Variants in RIT2 observed in about 807,000 individuals in gnomAD.
The protein encoded by RIT2 is GTP-binding protein Rit2.
RIT2 carries 24 observed loss-of-function variants against 23.7 expected under a neutral mutation model. The ratio of observed to expected loss-of-function variants is 1.01; its 90% confidence interval spans 0.73 to 1.43. RIT2 has a LOEUF of 1.43. Among genes scored for constraint, RIT2 ranks in the 40% most tolerant of loss-of-function variants. The probability of loss-of-function intolerance (pLI) is 0.00; values close to 1 mark genes in which losing one functional copy is unlikely to be tolerated. For synonymous variants in RIT2, 107 were observed against 91.1 expected, an observed-to-expected ratio of 1.17 and a Z score of -0.99; for missense variants, 236 against 266.9, an observed-to-expected ratio of 0.88 and a Z score of 0.81.
intron 1 of RIT2, among the ~76,000 whole-genome samples, chr18:43,109,778 C>G (rs1913909864): frequency 1.3e-5 from 2 of 152,136 alleles, no homozygotes; most frequent in Admixed American, 1.3e-4. Context: ...AACACTCCCT[C>G]CCTGCTCAAT....
At chr18:43,068,209 C>A (rs1007605535) in intron 1 of RIT2, among the ~76,000 whole-genome samples, 1 of 152,072 alleles carries the variant, frequency 6.6e-6, no homozygotes, top group Non-Finnish European at 1.5e-5. Flanking sequence ...TGAATTATCT[C>A]ATTTAAGGCT....
intron 3 of RIT2, among the ~76,000 whole-genome samples, chr18:42,950,209 A>G (rs1909817527): frequency 6.6e-6 from 1 of 152,142 alleles, no homozygotes; most frequent in African/African-American, 2.4e-5. Context: ...AAACAGTCTA[A>G]TAGACAAATG....
At chr18:42,813,956 G>A (rs1701559616) in intron 4 of RIT2, among the ~76,000 whole-genome samples, 1 of 152,168 alleles carries the variant, frequency 6.6e-6, no homozygotes. Flanking sequence ...TCCCCACTGG[G>A]GAAACTGAAG....
At chr18:42,800,076 CTCAATAA>C (rs1905482236) in intron 4 of RIT2, among the ~76,000 whole-genome samples, 1 of 152,108 alleles carries the variant, frequency 6.6e-6, no homozygotes, top group Non-Finnish European at 1.5e-5. Context: ...AGCAGTCTGG[CTCAATAA>C]ACATTGGTTA....
intron 4 of RIT2, among the ~76,000 whole-genome samples, chr18:42,842,738 A>G (rs1318664972): frequency 1.3e-5 from 2 of 152,156 alleles, no homozygotes; most frequent in Non-Finnish European, 2.9e-5. Context: ...AAAATTCCAT[A>G]CCTGACCTCA....
intron 2 of RIT2, among the ~76,000 whole-genome samples, chr18:42,990,660 G>T (rs1454851503): frequency 6.6e-6 from 1 of 152,118 alleles, no homozygotes; most frequent in Non-Finnish European, 1.5e-5. Flanking sequence ...ATTCTGACAG[G>T]TACATAATAA....
chr18:42,996,176 A>G (rs1481089437), intron 2 of RIT2, among the ~76,000 whole-genome samples: 2 of 152,058 alleles, frequency 1.3e-5, no homozygotes, highest in Non-Finnish European at 2.9e-5. Context: ...TCTAAATGAC[A>G]AATGTTTCTT....
chr18:42,892,696 T>C (rs1568023310), intron 4 of RIT2, among the ~76,000 whole-genome samples: 2 of 152,202 alleles, frequency 1.3e-5, no homozygotes, highest in Admixed American at 6.5e-5. Flanking sequence ...ACAAAATACC[T>C]AGAAGAAAAC....
intron 1 of RIT2, among the ~76,000 whole-genome samples, chr18:43,101,884 C>T (rs1913692907): frequency 1.3e-5 from 2 of 151,818 alleles, no homozygotes; most frequent in South Asian, 2.1e-4. Flanking sequence ...TTCATTAAGA[C>T]GGAGCAAGTA....
intron 4 of RIT2, among the ~76,000 whole-genome samples, chr18:42,840,348 G>A (rs144790274): frequency 3.0e-4 from 46 of 152,110 alleles, no homozygotes; most frequent in African/African-American, 1.1e-3. Context: ...GGCATCTAGT[G>A]TTTTCATTTG....
chr18:43,004,830 T>C (rs1911191126), intron 2 of RIT2, among the ~76,000 whole-genome samples: 1 of 151,922 alleles, frequency 6.6e-6, no homozygotes, highest in Non-Finnish European at 1.5e-5. Context: ...TTGGCTATTA[T>C]ATTCCTATTA....
intron 3 of RIT2, among the ~76,000 whole-genome samples, chr18:42,951,598 A>T (rs199499763): frequency 2.7e-4 from 40 of 146,064 alleles, no homozygotes; most frequent in East Asian, 4.7e-4. Context: ...AAAAGAAAAA[A>T]ATATATATAT....
chr18:43,098,491 T>C (rs1913606808), intron 1 of RIT2, among the ~76,000 whole-genome samples: 1 of 151,910 alleles, frequency 6.6e-6, no homozygotes, highest in Non-Finnish European at 1.5e-5. Flanking sequence ...TAAATGCTTT[T>C]ATTGAAGTAA....
At chr18:42,831,854 T>C (rs73470084) in intron 4 of RIT2, among the ~76,000 whole-genome samples, 3,106 of 152,222 alleles carry the variant, frequency 0.02, 94 homozygotes, top group African/African-American at 0.069. Context: ...ATCACCTGAG[T>C]GATTAACCCT....
intron 1 of RIT2, among the ~76,000 whole-genome samples, chr18:43,051,261 T>C (rs1912375678): frequency 6.6e-6 from 1 of 152,130 alleles, no homozygotes; most frequent in Admixed American, 6.6e-5. Flanking sequence ...GCTGTTGTGG[T>C]AGCATCAAAG....
chr18:43,073,668 G>A (rs994779130), intron 1 of RIT2, among the ~76,000 whole-genome samples: 1 of 152,062 alleles, frequency 6.6e-6, no homozygotes, highest in Non-Finnish European at 1.5e-5. Context: ...GGTGGATGTG[G>A]ATACAAAGAT....
intron 2 of RIT2, among the ~76,000 whole-genome samples, chr18:43,028,885 A>T (rs1278152357): frequency 2.0e-5 from 3 of 152,102 alleles, no homozygotes; most frequent in Non-Finnish European, 4.4e-5. Context: ...GACACAGAAC[A>T]GGCCATTTTA....
intron 2 of RIT2, among the ~76,000 whole-genome samples, chr18:42,977,673 T>G (rs976118253): frequency 6.6e-6 from 1 of 151,588 alleles, no homozygotes; most frequent in African/African-American, 2.4e-5. Flanking sequence ...AAAATAATGG[T>G]GGGAGACATA....
At chr18:43,039,507 C>A (rs967246891) in intron 1 of RIT2, among the ~76,000 whole-genome samples, 22 of 151,888 alleles carry the variant, frequency 1.4e-4, no homozygotes, top group African/African-American at 5.1e-4. Context: ...TGACACCATG[C>A]CCGACTAATT....
Sources: gnomAD v4.1 joint callset for allele counts (sites outside exome capture counted in the v4.1 genomes callset) on GRCh38, gnomAD v4.1.1 for gene constraint, MANE v1.5 for transcripts, NCBI Gene and HGNC (gene_info 2026-07-23, HGNC 2026-07-21) for gene names.